Variants in HUNK observed in about 807,000 individuals in gnomAD.
HUNK encodes the protein hormonally up-regulated Neu-associated kinase, also known as hormonally up-regulated neu tumor-associated kinase.
In HUNK, 21 loss-of-function variants were observed where a neutral mutation model predicts 61.0. That is an observed-to-expected ratio of 0.34 (90% CI 0.24 to 0.50). The LOEUF is 0.50. HUNK is among the 20% of genes least tolerant of loss of function. The pLI, the probability that HUNK is intolerant of heterozygous loss-of-function variation, is 0.98. For missense variants in HUNK, 772 were observed against 945.7 expected (o/e 0.82, Z 2.41); for synonymous variants, 371 against 386.1 (o/e 0.96, Z 0.46).
chr21:31,893,616 C>T (rs146033253), intron 1 of HUNK, among the ~76,000 whole-genome samples: 528 of 151,620 alleles, frequency 3.5e-3, no homozygotes, highest in Non-Finnish European at 5.8e-3. Flanking sequence ...CTGGCCTCAC[C>T]TCCTTGTCAC....
chr21:31,914,551 C>G (rs986985566), intron 1 of HUNK, among the ~76,000 whole-genome samples: 1 of 152,002 alleles, frequency 6.6e-6, no homozygotes, highest in African/African-American at 2.4e-5. Context: ...TTAGCCTGCT[C>G]AGGCTGCCAC....
chr21:31,986,013 T>G (rs1398606522), intron 8 of HUNK, among the ~76,000 whole-genome samples: 1 of 152,060 alleles, frequency 6.6e-6, no homozygotes, highest in Non-Finnish European at 1.5e-5. Flanking sequence ...GAAGGTGGGC[T>G]GTGGCCACAG....
At chr21:31,909,744 T>C (rs1350452820) in intron 1 of HUNK, among the ~76,000 whole-genome samples, 1 of 152,220 alleles carries the variant, frequency 6.6e-6, no homozygotes, top group Non-Finnish European at 1.5e-5. Flanking sequence ...TGAAATTAAT[T>C]ATAAAGCCAG....
At chr21:31,979,806 C>T (rs377126730) in intron 7 of HUNK, among the ~76,000 whole-genome samples, 24 of 152,094 alleles carry the variant, frequency 1.6e-4, no homozygotes, top group South Asian at 6.2e-4. Context: ...TAAGCCACCA[C>T]GCCCAGCTGC....
intron 1 of HUNK, among the ~76,000 whole-genome samples, chr21:31,900,001 C>G (rs2052452909): frequency 6.6e-6 from 1 of 152,100 alleles, no homozygotes; most frequent in Admixed American, 6.5e-5. Flanking sequence ...TCTTGAACTC[C>G]TGACCTCAAG....
intron 1 of HUNK, among the ~76,000 whole-genome samples, chr21:31,901,157 A>G (rs185260176): frequency 1.1e-4 from 16 of 152,300 alleles, no homozygotes; most frequent in Admixed American, 2.0e-4. Context: ...TGATTTCCAA[A>G]CAAGGTCACC....
intron 8 of HUNK, among the ~76,000 whole-genome samples, chr21:31,986,240 C>T (rs1284168685): frequency 2.0e-5 from 3 of 151,172 alleles, no homozygotes; most frequent in Non-Finnish European, 2.9e-5. Context: ...GCAGCCCCAT[C>T]CTCCCCAGCA....
chr21:31,879,564 G>A (rs2052290782), intron 1 of HUNK, among the ~76,000 whole-genome samples: 1 of 152,158 alleles, frequency 6.6e-6, no homozygotes, highest in Non-Finnish European at 1.5e-5. Flanking sequence ...ACGGAGAGGA[G>A]TACAACCCTA....
intron 7 of HUNK, among the ~76,000 whole-genome samples, chr21:31,980,164 T>C (rs963166955): frequency 1.3e-5 from 2 of 151,608 alleles, no homozygotes; most frequent in Non-Finnish European, 2.9e-5. Flanking sequence ...CTCCACCTCC[T>C]GGGTTCAAGC....
intron 1 of HUNK, among the ~76,000 whole-genome samples, chr21:31,903,556 A>G (rs2052483888): frequency 1.3e-5 from 2 of 152,224 alleles, no homozygotes; most frequent in Non-Finnish European, 2.9e-5. Context: ...GGTTGACTAA[A>G]TGATGAATAA....
At chr21:31,909,363 G>A (rs1030972513) in intron 1 of HUNK, among the ~76,000 whole-genome samples, 7 of 152,102 alleles carry the variant, frequency 4.6e-5, no homozygotes, top group Non-Finnish European at 8.8e-5. Flanking sequence ...GAGCCCAGGC[G>A]CAGAGGATCC....
rs1379999496 is a variant in HUNK, at chr21:31,998,883, T to C, written c.1844T>C (p.Leu615Ser). 1 of 1,614,090 alleles carries C rather than the reference T, an allele frequency of 6.2e-7. No individual in the cohort carries two copies. Among genetic ancestry groups the C allele is most frequent in the Non-Finnish European group, 8.5e-7 (1 of 1,180,042 alleles). The change falls in exon 11 of 11, where the codon TTG becomes TCG. Residue 615 changes from leucine to serine, a missense_variant. Leu to Ser is a moderately radical substitution (Grantham distance 145). Around this residue, in one of 2 missense-constraint regions of HUNK, gnomAD observed 413 missense variants for 444.4 expected, o/e 0.93. Transcript: ENST00000270112. ...AGCATGTCGCCTCTCCATACTCCTT[T>C]GCATCCAACTCTGGTCTCTTTTGCT... is the stretch of plus-strand genomic sequence containing the variant. ...SGSMSPLHTP[L>S]HPTLVSFAHE...
chr21:31,952,992 C>G (rs1297055209), intron 4 of HUNK, among the ~76,000 whole-genome samples: 1 of 152,122 alleles, frequency 6.6e-6, no homozygotes, highest in East Asian at 1.9e-4. Flanking sequence ...AAAGACCCAT[C>G]AGGAAATTCT....
chr21:31,979,385 G>A (rs1471057387), intron 7 of HUNK, among the ~76,000 whole-genome samples: 1 of 151,630 alleles, frequency 6.6e-6, no homozygotes, highest in African/African-American at 2.4e-5. Flanking sequence ...CCAAAGTGCT[G>A]GGATTACAGG....
At chr21:31,907,945 G>A (rs543284902) in intron 1 of HUNK, among the ~76,000 whole-genome samples, 3 of 151,980 alleles carry the variant, frequency 2.0e-5, no homozygotes, top group Non-Finnish European at 2.9e-5. Flanking sequence ...AGCTGAGATC[G>A]CGCCACTGCA....
chr21:31,909,954 C>CGGGAGCT (rs1006746170), intron 1 of HUNK, among the ~76,000 whole-genome samples: 3 of 152,192 alleles, frequency 2.0e-5, no homozygotes, highest in African/African-American at 7.2e-5. Context: ...AGCCGGGAGC[C>CGGGAGCT]GGGAGCCCTC....
intron 4 of HUNK, among the ~76,000 whole-genome samples, chr21:31,957,660 T>C (rs995953264): frequency 2.6e-5 from 4 of 152,200 alleles, no homozygotes; most frequent in Non-Finnish European, 4.4e-5. Context: ...CAAAATGATA[T>C]TAGATTTACA....
At chr21:31,880,373 C>T (rs1219696988) in intron 1 of HUNK, among the ~76,000 whole-genome samples, 4 of 152,338 alleles carry the variant, frequency 2.6e-5, no homozygotes, top group Admixed American at 6.5e-5. Flanking sequence ...TGTCACAGTT[C>T]TGGAGGCTAG....
intron 7 of HUNK, among the ~76,000 whole-genome samples, chr21:31,976,648 G>T (rs759436657): frequency 9.2e-5 from 14 of 151,522 alleles, no homozygotes; most frequent in Non-Finnish European, 1.9e-4. Context: ...TGTATTTTTA[G>T]TAGAGATGGA....
Sources: allele counts gnomAD v4.1 joint callset (sites outside exome capture counted in the v4.1 genomes callset), GRCh38; gene constraint gnomAD v4.1.1; regional missense constraint gnomAD v4.1.1; transcripts MANE v1.5; gene names NCBI Gene and HGNC (gene_info 2026-07-23, HGNC 2026-07-21).